SESN1: variants seen among roughly 807,000 people sequenced by gnomAD.
SESN1 encodes sestrin 1.
A neutral mutation model predicts 59.3 loss-of-function variants in SESN1; 30 were observed. The ratio of observed to expected loss-of-function variants is 0.51; its 90% CI spans 0.38 to 0.69. The LOEUF is 0.69. Ranked by LOEUF, SESN1 falls within the 30% of genes least tolerant of loss-of-function variation. The pLI is 0.00. For synonymous variants in SESN1, 197 were observed against 219.9 expected, an observed-to-expected ratio of 0.90 and a Z score of 0.92; for missense variants, 566 against 673.0, an observed-to-expected ratio of 0.84 and a Z score of 1.76.
chr6:109,049,677 T>C (rs1158940007), intron 1 of SESN1, among the ~76,000 whole-genome samples: 1 of 150,656 alleles, frequency 6.6e-6, no homozygotes. Flanking sequence ...AAATAAAAAA[T>C]AAAAAGGAGA....
intron 1 of SESN1, among the ~76,000 whole-genome samples, chr6:109,055,661 CAAA>C (rs577017689): frequency 0.017 from 858 of 51,240 alleles, 8 homozygotes; most frequent in African/African-American, 0.046. Context: ...GACTCCACCT[CAAA>C]AAAAAAAAAA....
intron 1 of SESN1, among the ~76,000 whole-genome samples, chr6:109,053,898 G>A (rs1184800561): frequency 2.6e-5 from 4 of 152,148 alleles, no homozygotes; most frequent in African/African-American, 7.2e-5. Flanking sequence ...TAAACCAAAT[G>A]TAGACAAATT....
At chr6:109,019,075 A>G (rs1400956100) in intron 1 of SESN1, among the ~76,000 whole-genome samples, 1 of 152,084 alleles carries the variant, frequency 6.6e-6, no homozygotes, top group African/African-American at 2.4e-5. Context: ...TTCTTATTTG[A>G]ACTTAAATAA....
At chr6:109,058,525 G>A (rs1780674567) in intron 1 of SESN1, among the ~76,000 whole-genome samples, 1 of 152,132 alleles carries the variant, frequency 6.6e-6, no homozygotes, top group African/African-American at 2.4e-5. Flanking sequence ...TCCATCATTA[G>A]GTGATGCGTG....
chr6:109,047,006 CCCTG>C (rs1780456147), intron 1 of SESN1, among the ~76,000 whole-genome samples: 3 of 59,542 alleles, frequency 5.0e-5, no homozygotes, highest in African/African-American at 6.8e-5. Flanking sequence ...GGGGTCAGCC[CCCTG>C]CCCGGCCAGC....
intron 6 of SESN1, among the ~76,000 whole-genome samples, chr6:108,993,888 G>C (rs759582736): frequency 6.6e-6 from 1 of 151,960 alleles, no homozygotes; most frequent in Non-Finnish European, 1.5e-5. Flanking sequence ...AAAAATCACA[G>C]AATTTTAACT....
intron 1 of SESN1, among the ~76,000 whole-genome samples, chr6:109,076,254 G>C (rs2114471028): frequency 1.3e-5 from 2 of 152,268 alleles, no homozygotes; most frequent in Middle Eastern, 3.4e-3. Flanking sequence ...AACAAGTACT[G>C]CTGTGCCAAT....
At chr6:109,003,407 T>C (rs1453523833) in intron 1 of SESN1, among the ~76,000 whole-genome samples, 1 of 152,060 alleles carries the variant, frequency 6.6e-6, no homozygotes, top group Non-Finnish European at 1.5e-5. Context: ...GAAGGACATG[T>C]GTCAGCAATC....
chr6:109,089,634 T>C (rs1041396559), intron 1 of SESN1, among the ~76,000 whole-genome samples: 5 of 152,198 alleles, frequency 3.3e-5, no homozygotes, highest in East Asian at 1.9e-4. Flanking sequence ...TTCCCCTAAA[T>C]TGACCCCCTG....
intron 1 of SESN1, among the ~76,000 whole-genome samples, chr6:109,021,684 C>T (rs1216592401): frequency 2.6e-5 from 4 of 152,128 alleles, no homozygotes; most frequent in South Asian, 2.1e-4. Flanking sequence ...TCAAGTGATC[C>T]GCCCGCCTTG....
intron 1 of SESN1, among the ~76,000 whole-genome samples, chr6:109,091,220 A>C (rs1262234830): frequency 6.6e-6 from 1 of 152,170 alleles, no homozygotes; most frequent in African/African-American, 2.4e-5. Context: ...ATTGCATTAC[A>C]ATTGCCAAAG....
At chr6:109,000,893 T>C (rs1779606958) in intron 3 of SESN1, among the ~76,000 whole-genome samples, 1 of 152,140 alleles carries the variant, frequency 6.6e-6, no homozygotes, top group African/African-American at 2.4e-5. Context: ...GATAAAAGTA[T>C]TTGAACTTTA....
At chr6:109,022,492 G>A (rs987478467) in intron 1 of SESN1, among the ~76,000 whole-genome samples, 9 of 131,022 alleles carry the variant, frequency 6.9e-5, no homozygotes, top group East Asian at 2.4e-4. Context: ...GCGCGATCTC[G>A]GCTCATTGCA....
intron 1 of SESN1, among the ~76,000 whole-genome samples, chr6:109,041,971 A>C (rs556732653): frequency 6.6e-6 from 1 of 152,290 alleles, no homozygotes; most frequent in East Asian, 1.9e-4. Flanking sequence ...GAATATATTT[A>C]AAAGAATGAA....
intron 1 of SESN1, among the ~76,000 whole-genome samples, chr6:109,064,108 A>G (rs944047442): frequency 6.6e-6 from 1 of 152,162 alleles, no homozygotes; most frequent in African/African-American, 2.4e-5. Flanking sequence ...ATAGTCTTAG[A>G]ATCTTAGTAA....
chr6:108,994,163 A>AAAAG (rs1554262755), intron 6 of SESN1, among the ~76,000 whole-genome samples: 2 of 147,086 alleles, frequency 1.4e-5, no homozygotes, highest in African/African-American at 5.0e-5. Flanking sequence ...AAAAAAAAAA[A>AAAAG]GAGAAAAAAG....
intron 5 of SESN1, among the ~76,000 whole-genome samples, chr6:108,996,306 T>G (rs1033073366): frequency 1.3e-5 from 2 of 152,216 alleles, no homozygotes; most frequent in African/African-American, 4.8e-5. Flanking sequence ...AAGACTTTCA[T>G]GATGGGAAGT....
At chr6:109,079,976 C>T (rs1003857849) in intron 1 of SESN1, among the ~76,000 whole-genome samples, 8 of 152,140 alleles carry the variant, frequency 5.3e-5, no homozygotes, top group Non-Finnish European at 4.4e-5. Context: ...CTATAAACAA[C>T]TTGCTGTATG....
chr6:109,021,638 C>A (rs1780012202), intron 1 of SESN1, among the ~76,000 whole-genome samples: 1 of 152,010 alleles, frequency 6.6e-6, no homozygotes, highest in Non-Finnish European at 1.5e-5. Flanking sequence ...GACGGGGTTT[C>A]ACTATGTTGG....
Sources: allele counts gnomAD v4.1 joint callset (sites outside exome capture counted in the v4.1 genomes callset), GRCh38; gene constraint gnomAD v4.1.1; transcripts MANE v1.5; gene names NCBI Gene and HGNC (gene_info 2026-07-23, HGNC 2026-07-21).